ERC2: variants seen among roughly 807,000 people sequenced by gnomAD.
ERC2 encodes ELKS/RAB6-interacting/CAST family member 2.
In ERC2, 42 loss-of-function variants were observed where a neutral mutation model predicts 114.8. That is an observed-to-expected ratio of 0.37 (90% CI 0.29 to 0.47). The LOEUF is 0.47. ERC2 is among the 20% of genes least tolerant of loss of function. ERC2 has a pLI of 0.99. For missense variants in ERC2, 939 were observed against 1,150.7 expected (o/e 0.82, Z 2.66); for synonymous variants, 454 against 425.5 (o/e 1.07, Z -0.82).
chr3:56,388,410 G>A (rs539061856), intron 2 of ERC2, among the ~76,000 whole-genome samples: 2 of 152,190 alleles, frequency 1.3e-5, no homozygotes, highest in African/African-American at 4.8e-5. Flanking sequence ...TTCACTTTCA[G>A]CCATGGTTGC....
chr3:55,760,297 T>C (rs553847267), intron 14 of ERC2, among the ~76,000 whole-genome samples: 2 of 152,344 alleles, frequency 1.3e-5, no homozygotes, highest in Admixed American at 6.5e-5. Context: ...GTCTACTGTC[T>C]GTAATGTAAG....
At chr3:55,936,784 T>G (rs147745024) in intron 13 of ERC2, among the ~76,000 whole-genome samples, 19 of 152,132 alleles carry the variant, frequency 1.2e-4, no homozygotes, top group Non-Finnish European at 2.6e-4. Context: ...GTAAGTAAGG[T>G]CTTTACAGAG....
intron 17 of ERC2, among the ~76,000 whole-genome samples, chr3:55,549,372 T>C (rs749411219): frequency 1.8e-4 from 27 of 152,088 alleles, no homozygotes; most frequent in Non-Finnish European, 3.5e-4. Flanking sequence ...CTGGGGACCC[T>C]GAGGCCTAAA....
intron 3 of ERC2, among the ~76,000 whole-genome samples, chr3:56,244,451 A>G (rs112194158): frequency 2.0e-3 from 309 of 152,290 alleles, no homozygotes; most frequent in African/African-American, 7.1e-3. Context: ...GGAAGTATCC[A>G]GAAGAAGGCA....
At chr3:56,454,775 C>T (rs189156511) in intron 1 of ERC2, among the ~76,000 whole-genome samples, 3 of 149,844 alleles carry the variant, frequency 2.0e-5, no homozygotes, top group Non-Finnish European at 3.0e-5. Flanking sequence ...CACGTGAACC[C>T]GGGAGGCAGA....
intron 12 of ERC2, among the ~76,000 whole-genome samples, chr3:55,984,798 G>A (rs1370319557): frequency 2.6e-5 from 4 of 152,214 alleles, no homozygotes; most frequent in South Asian, 2.1e-4. Flanking sequence ...TGGGGGATAC[G>A]CAGTGTGGTA....
intron 6 of ERC2, among the ~76,000 whole-genome samples, chr3:56,101,574 T>C (rs1012033426): frequency 1.3e-5 from 2 of 152,118 alleles, no homozygotes; most frequent in African/African-American, 4.8e-5. Flanking sequence ...GACTTACCCA[T>C]GGCCCCACAT....
At chr3:55,939,888 G>C (rs1348521937) in intron 13 of ERC2, among the ~76,000 whole-genome samples, 1 of 152,164 alleles carries the variant, frequency 6.6e-6, no homozygotes, top group Non-Finnish European at 1.5e-5. Flanking sequence ...AATCCATCTT[G>C]CACCAAAAAA....
At chr3:55,967,743 A>G in intron 12 of ERC2, among the ~76,000 whole-genome samples, 1 of 152,210 alleles carries the variant, frequency 6.6e-6, no homozygotes. Context: ...TGTTTGGGTC[A>G]TGGAGGCACC....
chr3:55,583,904 A>C lies in ERC2; in HGVS notation c.*40-72628T>G, dbSNP rs535796600. Among the ~76,000 whole-genome samples, 7 of 151,992 alleles carry C rather than the reference A, an allele frequency of 4.6e-5. 1 individual carries two copies. The highest frequency in any genetic ancestry group is 1.7e-4 in the African/African-American group (7 of 41,446). On this transcript the variant is annotated intron_variant, in intron 17 of 17. Coordinates refer to ENST00000288221, the MANE Select transcript of ERC2 (RefSeq NM_015576.3). The stretch of plus-strand genomic sequence containing the variant: ...AACTTGCTAGCCCCCCTCCCAAAAC[A>C]GGTACAGGGTTAGGAGTCAAGCTCC...
At chr3:56,135,048 G>A (rs1183150353) in intron 6 of ERC2, among the ~76,000 whole-genome samples, 1 of 151,946 alleles carries the variant, frequency 6.6e-6, no homozygotes, top group African/African-American at 2.4e-5. Context: ...TGCCTCCCAG[G>A]TTCAAGTGAT....
intron 1 of ERC2, 107 bp from the exon 2 acceptor site, chr3:56,435,254 G>T (rs2061965431): frequency 5.5e-6 from 2 of 365,908 alleles, no homozygotes; most frequent in Admixed American, 4.4e-5. Flanking sequence ...ATGTAGATAG[G>T]TGATTAATAA....
intron 3 of ERC2, among the ~76,000 whole-genome samples, chr3:56,276,459 TAA>T (rs766683320): frequency 1.7e-4 from 14 of 82,888 alleles, no homozygotes; most frequent in Admixed American, 4.3e-4. Flanking sequence ...CAAACTCAGC[TAA>T]AAAAAAAAAA....
chr3:56,199,073 G>A (rs1332105613), intron 3 of ERC2, among the ~76,000 whole-genome samples: 2 of 152,158 alleles, frequency 1.3e-5, no homozygotes, highest in African/African-American at 4.8e-5. Context: ...AGAAACCACG[G>A]TAAACAAGAA....
chr3:55,912,437 T>A (rs1479585836), intron 13 of ERC2, among the ~76,000 whole-genome samples: 1 of 152,206 alleles, frequency 6.6e-6, no homozygotes, highest in Non-Finnish European at 1.5e-5. Context: ...GAAAAGTGAC[T>A]TCAGTTGAAG....
intron 13 of ERC2, among the ~76,000 whole-genome samples, chr3:55,908,525 A>ACT (rs2064604131): frequency 6.6e-6 from 1 of 152,128 alleles, no homozygotes; most frequent in Admixed American, 6.5e-5. Context: ...CAGAGGGAGA[A>ACT]GCCTTCCAGG....
chr3:56,073,746 T>C (rs1056307787), intron 7 of ERC2, among the ~76,000 whole-genome samples: 1 of 152,176 alleles, frequency 6.6e-6, no homozygotes, highest in Non-Finnish European at 1.5e-5. Context: ...GCTGCTTACA[T>C]GTCTCAAATC....
intron 3 of ERC2, among the ~76,000 whole-genome samples, chr3:56,204,080 C>T (rs2048562554): frequency 6.6e-6 from 1 of 152,174 alleles, no homozygotes; most frequent in African/African-American, 2.4e-5. Flanking sequence ...ATCCCAGCTA[C>T]TCAGGAGACT....
chr3:56,251,248 T>A (rs2150233077), intron 3 of ERC2, among the ~76,000 whole-genome samples: 1 of 152,322 alleles, frequency 6.6e-6, no homozygotes, highest in South Asian at 2.1e-4. Context: ...TTAAATTCTG[T>A]CTGGCTAAAC....
Sources: gnomAD v4.1 joint callset for allele counts (sites outside exome capture counted in the v4.1 genomes callset) on GRCh38, gnomAD v4.1.1 for gene constraint, MANE v1.5 for transcripts, NCBI Gene and HGNC (gene_info 2026-07-23, HGNC 2026-07-21) for gene names.